Variants in MEMO1 observed in about 807,000 individuals in gnomAD.
The protein encoded by MEMO1 is protein MEMO1.
In MEMO1, 6 loss-of-function variants were observed where a neutral mutation model predicts 45.2. The observed-to-expected ratio is 0.13, with a 90% CI of 0.07 to 0.26. The LOEUF (loss-of-function observed/expected upper bound fraction) is 0.26. Ranked by LOEUF, MEMO1 falls within the 10% of genes least tolerant of loss-of-function variation. The probability of loss-of-function intolerance (pLI) is 1.00; values close to 1 mark genes in which losing one functional copy is unlikely to be tolerated. For synonymous variants in MEMO1, 78 were observed against 124.3 expected (o/e 0.63, Z 2.48); for missense variants, 184 against 370.5 (o/e 0.50, Z 4.13).
rs774366865 is a variant in MEMO1 at position 31,982,373 on chromosome 2, C to T, written c.61+27814G>A. The stretch of plus-strand genomic sequence containing the variant: ...TTGGGAGGCCGAGGCGGGCAGATCA[C>T]GAGGTCAGAAGTTTGAGACCAGCCT... On this transcript the variant is annotated intron_variant, in intron 2 of 9. Transcript: ENST00000404530. Among the ~76,000 whole-genome samples, 92 of 149,862 alleles carry T rather than the reference C, an allele frequency of 6.1e-4. 2 individuals carry two copies. The highest frequency in any genetic ancestry group is 8.0e-4 in the Non-Finnish European group (54 of 67,586).
intron 6 of MEMO1, among the ~76,000 whole-genome samples, 170 bp downstream of exon 6, chr2:31,917,756 T>C (rs978502348): frequency 7.9e-5 from 12 of 152,244 alleles, no homozygotes; most frequent in African/African-American, 1.4e-4. Flanking sequence ...TCAGCCTTCA[T>C]AGGCAAACTA....
At chr2:31,895,991 C>A (rs1176533675) in intron 6 of MEMO1, among the ~76,000 whole-genome samples, 4 of 151,552 alleles carry the variant, frequency 2.6e-5, no homozygotes, top group African/African-American at 9.7e-5. Flanking sequence ...CTACAGGCGC[C>A]CGCCACCTCG....
At chr2:31,879,826 G>C (rs1675090141) in intron 8 of MEMO1, among the ~76,000 whole-genome samples, 1 of 152,088 alleles carries the variant, frequency 6.6e-6, no homozygotes, top group African/African-American at 2.4e-5. Context: ...GTATCAAAAA[G>C]TGCAGTTCTA....
chr2:31,995,390 G>T (rs1353301495), intron 2 of MEMO1, among the ~76,000 whole-genome samples: 1 of 152,106 alleles, frequency 6.6e-6, no homozygotes, highest in African/African-American at 2.4e-5. Context: ...GGAGGTGGAG[G>T]TTGCAGTGAG....
At chr2:32,010,088 C>G in intron 2 of MEMO1, 99 bp downstream of exon 2, 4 of 561,092 alleles carry the variant, frequency 7.1e-6, no homozygotes, top group Non-Finnish European at 9.0e-6. Context: ...CCCTCTTCCC[C>G]GCCCGCCGCC....
intron 8 of MEMO1, among the ~76,000 whole-genome samples, chr2:31,871,498 TAC>T (rs77754382): frequency 0.58 from 85,168 of 147,362 alleles, 24,637 homozygotes; most frequent in Middle Eastern, 0.65. Flanking sequence ...ATTCCATATA[TAC>T]ACACACACAC....
chr2:31,898,617 G>A (rs190451808), intron 6 of MEMO1, among the ~76,000 whole-genome samples: 22 of 152,290 alleles, frequency 1.4e-4, no homozygotes, highest in Admixed American at 1.4e-3. Flanking sequence ...TTGCTGAGGA[G>A]TGTTTTACTT....
intron 2 of MEMO1, among the ~76,000 whole-genome samples, chr2:31,979,517 T>C (rs1196294060): frequency 6.6e-6 from 1 of 152,154 alleles, no homozygotes; most frequent in Non-Finnish European, 1.5e-5. Context: ...TTCCTGTTTT[T>C]CAGAAAATCA....
chr2:31,923,439 C>G, intron 4 of MEMO1: 1 of 438,698 alleles, frequency 2.3e-6, no homozygotes, highest in Non-Finnish European at 3.9e-6. Flanking sequence ...ATCATCAATT[C>G]GAGAACCATT....
intron 4 of MEMO1, chr2:31,923,683 T>C: frequency 1.3e-6 from 2 of 1,547,776 alleles, no homozygotes; most frequent in South Asian, 1.2e-5. Context: ...TTGAGGAAAA[T>C]ATGAAAAGAC....
chr2:31,889,912 T>C (rs1003651717), intron 7 of MEMO1, among the ~76,000 whole-genome samples: 8 of 152,150 alleles, frequency 5.3e-5, no homozygotes, highest in Non-Finnish European at 7.4e-5. Context: ...TTTATGAGTC[T>C]TTAAAATTTT....
chr2:32,010,323 G>A (rs1418908174), intron 1 of MEMO1, 59 bp from the exon 2 acceptor site: 5 of 920,356 alleles, frequency 5.4e-6, no homozygotes, highest in Non-Finnish European at 8.0e-6. Context: ...GCGGCTCCGC[G>A]AGGGGACGAG....
intron 2 of MEMO1, chr2:31,963,362 C>A: frequency 1.7e-6 from 2 of 1,210,182 alleles, no homozygotes; most frequent in Middle Eastern, 3.1e-4. Flanking sequence ...CCTACTGGTT[C>A]TGTTTCTCTG....
At chr2:31,876,426 A>G (rs1237281624) in intron 8 of MEMO1, among the ~76,000 whole-genome samples, 3 of 152,214 alleles carry the variant, frequency 2.0e-5, no homozygotes, top group Non-Finnish European at 4.4e-5. Context: ...TTTTCTGCAC[A>G]CATTCCTACT....
chr2:31,906,371 T>A (rs1409600164), intron 6 of MEMO1, among the ~76,000 whole-genome samples: 1 of 152,124 alleles, frequency 6.6e-6, no homozygotes, highest in Non-Finnish European at 1.5e-5. Context: ...TCGCCCAGGC[T>A]GGAGTGCAAT....
intron 4 of MEMO1, among the ~76,000 whole-genome samples, chr2:31,926,260 T>G (rs1282721786): frequency 6.6e-6 from 1 of 151,752 alleles, no homozygotes; most frequent in African/African-American, 2.4e-5. Flanking sequence ...CAGTCCTAGC[T>G]ACTCAGAAGG....
At chr2:31,949,597 A>G (rs532893701) in intron 2 of MEMO1, among the ~76,000 whole-genome samples, 1 of 143,442 alleles carries the variant, frequency 7.0e-6, no homozygotes, top group Admixed American at 7.3e-5. Context: ...GAGGCTGGGA[A>G]GAGTATTGGA....
chr2:31,926,599 A>G (rs1572703701), intron 4 of MEMO1, among the ~76,000 whole-genome samples: 1 of 152,132 alleles, frequency 6.6e-6, no homozygotes, highest in Non-Finnish European at 1.5e-5. Context: ...ATGTAATCCC[A>G]GCACTTTGGG....
chr2:31,927,226 A>G (rs1444251832), intron 4 of MEMO1, among the ~76,000 whole-genome samples: 1 of 152,138 alleles, frequency 6.6e-6, no homozygotes, highest in African/African-American at 2.4e-5. Context: ...AGACTGAGGC[A>G]GGAGAATCAC....
Sources: allele counts gnomAD v4.1 joint callset (sites outside exome capture counted in the v4.1 genomes callset), GRCh38; gene constraint gnomAD v4.1.1; transcripts MANE v1.5; gene names NCBI Gene and HGNC (gene_info 2026-07-23, HGNC 2026-07-21).